PTPRD: variants seen among roughly 807,000 people sequenced by gnomAD.
The protein encoded by PTPRD is receptor-type tyrosine-protein phosphatase delta.
In PTPRD, 34 loss-of-function variants were observed where a neutral mutation model predicts 214.5. That is an observed-to-expected ratio of 0.16 (90% CI 0.12 to 0.21). The LOEUF is 0.21. Among genes scored for constraint, PTPRD ranks in the 10% least tolerant of loss-of-function variants. PTPRD has a pLI of 1.00. For missense variants in PTPRD, 2,545 were observed against 2,398.7 expected (o/e 1.06, Z -1.27); for synonymous variants, 1,128 against 845.7 (o/e 1.33, Z -5.79).
intron 4 of PTPRD, among the ~76,000 whole-genome samples, chr9:9,978,440 T>A (rs1319782063): frequency 1.3e-5 from 2 of 152,052 alleles, no homozygotes. Context: ...ACATAAGTAC[T>A]CGGACTTCAT....
At chr9:10,289,124 A>G (rs936286242) in intron 3 of PTPRD, among the ~76,000 whole-genome samples, 2 of 151,182 alleles carry the variant, frequency 1.3e-5, no homozygotes, top group Non-Finnish European at 2.9e-5. Flanking sequence ...TGGGATGAGT[A>G]TAAGAGTCTA....
chr9:10,473,985 G>C (rs749343670), intron 2 of PTPRD, among the ~76,000 whole-genome samples: 2 of 151,980 alleles, frequency 1.3e-5, no homozygotes, highest in East Asian at 3.9e-4. Context: ...CCTGAAGGAA[G>C]CACTAAATAT....
At chr9:9,680,891 T>C (rs2097054562) in intron 7 of PTPRD, among the ~76,000 whole-genome samples, 1 of 151,806 alleles carries the variant, frequency 6.6e-6, no homozygotes, top group South Asian at 2.1e-4. Context: ...TTATGAGCAT[T>C]AATATTGTGG....
intron 11 of PTPRD, among the ~76,000 whole-genome samples, chr9:8,838,808 T>C (rs1323124734): frequency 6.6e-6 from 1 of 151,838 alleles, no homozygotes; most frequent in Non-Finnish European, 1.5e-5. Context: ...GAAGAATGGA[T>C]ATAAAACAGT....
chr9:8,512,485 TA>T lies in PTPRD; in HGVS notation c.1544-5052del, dbSNP rs1244327783. Among the ~76,000 whole-genome samples, 6 of 152,174 alleles carry T rather than the reference TA, an allele frequency of 3.9e-5. No individual in the cohort carries two copies. The East Asian group carries it at 1.2e-3, about 29-fold the overall frequency. Reference sequence around the variant, plus strand: ...AAGCAGTCTTTTTCTAGTTTGCTTGTATAGGCCTGTTGACATACACTAATGA... The same window carrying T: ...AAGCAGTCTTTTTCTAGTTTGCTTGTTAGGCCTGTTGACATACACTAATGA... On this transcript the variant is annotated intron_variant, in intron 21 of 45. Transcript: ENST00000381196.
At chr9:9,686,669 A>C in intron 7 of PTPRD, among the ~76,000 whole-genome samples, 1 of 151,844 alleles carries the variant, frequency 6.6e-6, no homozygotes, top group Non-Finnish European at 1.5e-5. Flanking sequence ...TCTACCCTTA[A>C]CATTTGTGTA....
chr9:9,737,863 G>C lies in PTPRD; in HGVS notation c.-325-3292C>G, dbSNP rs10977938. On this transcript the variant is annotated intron_variant, in intron 6 of 45. Transcript: ENST00000381196. ...CCTGGGTATATACTTAGGAATTTCA[G>C]GGTCATCTGGTAATTCTATGTGTTT... Among the ~76,000 whole-genome samples, 1,178 of 152,184 alleles carry C rather than the reference G, an allele frequency of 7.7e-3. 4 individuals are homozygous for C. Among genetic ancestry groups the C allele is most frequent in the Non-Finnish European group, 0.013 (906 of 68,010 alleles).
chr9:9,808,119 T>C (rs2045999656), intron 5 of PTPRD, among the ~76,000 whole-genome samples: 1 of 152,206 alleles, frequency 6.6e-6, no homozygotes. Context: ...CCACACTTAA[T>C]CAGGTTCTCT....
chr9:8,430,301 C>G (rs917161467), intron 35 of PTPRD, among the ~76,000 whole-genome samples: 1 of 151,658 alleles, frequency 6.6e-6, no homozygotes, highest in Non-Finnish European at 1.5e-5. Flanking sequence ...ACAGGGTCTC[C>G]CTCTGTCACC....
At chr9:10,170,340 A>C (rs1042287506) in intron 3 of PTPRD, among the ~76,000 whole-genome samples, 1 of 152,212 alleles carries the variant, frequency 6.6e-6, no homozygotes, top group South Asian at 2.1e-4. Context: ...TTTATATTAG[A>C]GGACTCTCAA....
chr9:9,016,348 T>G (rs1175452414), intron 11 of PTPRD, among the ~76,000 whole-genome samples: 1 of 152,186 alleles, frequency 6.6e-6, no homozygotes, highest in Non-Finnish European at 1.5e-5. Context: ...GAACAAGTTC[T>G]GGGTTCCAAT....
intron 3 of PTPRD, among the ~76,000 whole-genome samples, chr9:10,173,043 A>T (rs1477347951): frequency 6.6e-6 from 1 of 152,198 alleles, no homozygotes; most frequent in Non-Finnish European, 1.5e-5. Flanking sequence ...AGTATTAATT[A>T]CCTAACAAAT....
chr9:9,072,069 G>C (rs965071596), intron 10 of PTPRD, among the ~76,000 whole-genome samples: 1 of 152,066 alleles, frequency 6.6e-6, no homozygotes, highest in Non-Finnish European at 1.5e-5. Flanking sequence ...GCAGATGTTT[G>C]ATTTTGCAAA....
intron 3 of PTPRD, among the ~76,000 whole-genome samples, chr9:10,065,872 T>C (rs2097870740): frequency 6.6e-6 from 1 of 151,948 alleles, no homozygotes; most frequent in African/African-American, 2.4e-5. Context: ...CTGGTGTCTA[T>C]TTCCAACCAA....
At chr9:8,365,579 C>T (rs1199935762) in intron 39 of PTPRD, among the ~76,000 whole-genome samples, 1 of 152,004 alleles carries the variant, frequency 6.6e-6, no homozygotes, top group East Asian at 1.9e-4. Flanking sequence ...CAGAGTTCCA[C>T]CAATCCAGTA....
At chr9:8,330,459 G>A (rs1839080155) in intron 44 of PTPRD, among the ~76,000 whole-genome samples, 2 of 152,112 alleles carry the variant, frequency 1.3e-5, no homozygotes, top group African/African-American at 4.8e-5. Flanking sequence ...GTGGTAATCT[G>A]GAACTAAACT....
At chr9:8,629,618 T>G (rs1248460108) in intron 14 of PTPRD, among the ~76,000 whole-genome samples, 1 of 151,784 alleles carries the variant, frequency 6.6e-6, no homozygotes, top group Non-Finnish European at 1.5e-5. Flanking sequence ...CAGTACATCC[T>G]AAGGCCTTCA....
chr9:9,578,358 C>T (rs1033031839), intron 7 of PTPRD, among the ~76,000 whole-genome samples: 6 of 151,856 alleles, frequency 4.0e-5, no homozygotes, highest in African/African-American at 1.5e-4. Context: ...TTTATTGGAT[C>T]TATGATGTAG....
At chr9:10,214,281 T>A (rs2099530529) in intron 3 of PTPRD, among the ~76,000 whole-genome samples, 1 of 152,086 alleles carries the variant, frequency 6.6e-6, no homozygotes, top group African/African-American at 2.4e-5. Context: ...TGTTTGTTTG[T>A]TTGTTTGTTT....
Sources: allele counts gnomAD v4.1 joint callset (sites outside exome capture counted in the v4.1 genomes callset), GRCh38; gene constraint gnomAD v4.1.1; transcripts MANE v1.5; gene names NCBI Gene and HGNC (gene_info 2026-07-23, HGNC 2026-07-21).